CAMSAP2: variants seen among roughly 807,000 people sequenced by gnomAD.
CAMSAP2 encodes the protein calmodulin-regulated spectrin-associated protein 2.
CAMSAP2 carries 26 observed loss-of-function variants against 146.1 expected under a neutral mutation model. The ratio of observed to expected loss-of-function variants is 0.18; its 90% CI spans 0.13 to 0.25. The LOEUF is 0.25. CAMSAP2 is among the 10% of genes least tolerant of loss of function. CAMSAP2 has a pLI of 1.00. For synonymous variants in CAMSAP2, 499 were observed against 596.6 expected (o/e 0.84, Z 2.38); for missense variants, 1,381 against 1,759.3 (o/e 0.78, Z 3.85).
intron 4 of CAMSAP2, among the ~76,000 whole-genome samples, chr1:200,830,489 A>G (rs1356636509): frequency 1.3e-5 from 2 of 152,248 alleles, no homozygotes; most frequent in East Asian, 1.9e-4. Flanking sequence ...TCCCAGCCCA[A>G]TTTTGAGGAT....
chr1:200,803,130 A>G (rs1464908642), intron 2 of CAMSAP2, among the ~76,000 whole-genome samples: 1 of 152,122 alleles, frequency 6.6e-6, no homozygotes, highest in Non-Finnish European at 1.5e-5. Flanking sequence ...GTTGCCTCCT[A>G]CAAGGTGCAG....
intron 4 of CAMSAP2, among the ~76,000 whole-genome samples, chr1:200,817,049 T>C (rs565472944): frequency 4.9e-5 from 7 of 142,392 alleles, no homozygotes; most frequent in Admixed American, 4.1e-4. Flanking sequence ...TACACACGTG[T>C]ATGTGTATAC....
At chr1:200,811,714 A>T (rs1666336843) in intron 3 of CAMSAP2, among the ~76,000 whole-genome samples, 1 of 152,166 alleles carries the variant, frequency 6.6e-6, no homozygotes, top group South Asian at 2.1e-4. Context: ...ATCTTTTTAT[A>T]GTGCAGCTTG....
chr1:200,756,257 A>T (rs1664645693), intron 1 of CAMSAP2, among the ~76,000 whole-genome samples: 1 of 152,124 alleles, frequency 6.6e-6, no homozygotes, highest in Non-Finnish European at 1.5e-5. Flanking sequence ...GTCCAAGATC[A>T]GTCTGGCCAA....
In CAMSAP2 at chr1:200,847,413, TTTTG is replaced by T. The variant is rs764567271; in HGVS notation, c.1192+137_1192+140del. On this transcript the variant is annotated intron_variant, in intron 9 of 16. Transcript: ENST00000358823. Reference sequence around the variant, plus strand: ...TTTTTGTGTGTGTGTGTGTGTGTTTTTTTGTTTGTTTGTTTGTTTTCTGAAAAAT... The same window carrying T: ...TTTTTGTGTGTGTGTGTGTGTGTTTTTTTGTTTGTTTGTTTTCTGAAAAAT... 6.6e-4 allele frequency: 509 copies of T among 767,996 alleles called. 1 individual carries two copies. The highest frequency in any genetic ancestry group is 1.2e-3 in the Middle Eastern group (4 of 3,268). The allele number at this position is 767,996 out of a possible 1,614,324, so 47.6% of individuals were successfully genotyped here.
intron 2 of CAMSAP2, among the ~76,000 whole-genome samples, chr1:200,789,648 T>C (rs994970619): frequency 2.0e-5 from 3 of 152,212 alleles, no homozygotes; most frequent in African/African-American, 7.2e-5. Context: ...TCTAGGTCTT[T>C]TGCCTCTCCA....
Position 200,832,478 on chromosome 1 carries a change from C to G in CAMSAP2, c.787+137C>G. The G allele has an allele frequency of 1.1e-6, 1 of 893,098 alleles. No homozygotes were observed. The allele number at this position is 893,098 out of a possible 1,614,324, so 55.3% of individuals were successfully genotyped here. On this transcript the variant is annotated intron_variant, in intron 5 of 16. Transcript: ENST00000358823. The surrounding 1 kb of genome is among the most constrained non-coding windows in gnomAD (Gnocchi z 4.2). The stretch of plus-strand genomic sequence containing the variant: ...AAAAGACAATATTATTTAATAAGTA[C>G]TGAAGACTTTTTTTTAAAAATAAAG...
At chr1:200,816,431 A>G in intron 4 of CAMSAP2, among the ~76,000 whole-genome samples, 1 of 151,102 alleles carries the variant, frequency 6.6e-6, no homozygotes. Context: ...CGTCTCTACT[A>G]AAACTACAAA....
chr1:200,747,622 A>AT (rs1214003679), intron 1 of CAMSAP2, among the ~76,000 whole-genome samples: 1 of 152,098 alleles, frequency 6.6e-6, no homozygotes, highest in Non-Finnish European at 1.5e-5. Context: ...TTTTGATTTG[A>AT]TCAGGGCTGT....
intron 2 of CAMSAP2, among the ~76,000 whole-genome samples, chr1:200,773,446 G>A (rs751727408): frequency 2.6e-5 from 4 of 151,860 alleles, no homozygotes; most frequent in Admixed American, 2.0e-4. Flanking sequence ...TAGTAGAGAC[G>A]GCGTTTCGCC....
rs537301220 is a variant in CAMSAP2 at position 200,738,940 on chromosome 1, A to AGCGGCG, written c.-876_-871dup. 4.5e-3 allele frequency among the ~76,000 whole-genome samples: 667 copies of AGCGGCG among 149,118 alleles called. 9 individuals carry two copies. The highest frequency in any genetic ancestry group is 0.012 in the African/African-American group (499 of 40,100). On this transcript the variant is annotated 5_prime_UTR_variant, in exon 1 of 17. Transcript: ENST00000358823. ...TCCAGTGCCGCAGCCGGAAAACCGC[A>AGCGGCG]GCGGCGGCGGCGGCGGCTGAGGGGG...
Position 200,859,176 on chromosome 1 carries a change from G to A in CAMSAP2, c.*1117G>A, listed in dbSNP as rs1447724376. 1 of 152,468 alleles carries A rather than the reference G, an allele frequency of 6.6e-6. No individual in the cohort carries two copies. The highest frequency in any genetic ancestry group is 1.5e-5 in the Non-Finnish European group (1 of 67,854). The allele number at this position is 152,468 out of a possible 1,614,324, so 9.4% of individuals were successfully genotyped here. A position where few individuals can be genotyped will look rare whatever the true frequency, so the allele number is the denominator to read the frequency against. On this transcript the variant is annotated 3_prime_UTR_variant, in exon 17 of 17. Transcript: ENST00000358823. ...TTGAAATCTCCTCTACATGATCTTT[G>A]TTCTTTAACAGTGTATACCAGAGGG... is the stretch of plus-strand genomic sequence containing the variant.
intron 1 of CAMSAP2, among the ~76,000 whole-genome samples, chr1:200,742,107 A>C (rs527845869): frequency 2.6e-5 from 4 of 152,214 alleles, no homozygotes; most frequent in Admixed American, 2.0e-4. Context: ...AGATAAGGTA[A>C]CTGGCTCACA....
chr1:200,783,122 A>G (rs529000296), intron 2 of CAMSAP2, among the ~76,000 whole-genome samples: 4 of 152,022 alleles, frequency 2.6e-5, no homozygotes, highest in African/African-American at 9.6e-5. Context: ...CTATCAAGCA[A>G]TTTTCCAAAG....
At chr1:200,747,939 A>G (rs1664384204) in intron 1 of CAMSAP2, among the ~76,000 whole-genome samples, 1 of 147,570 alleles carries the variant, frequency 6.8e-6, no homozygotes, top group South Asian at 2.2e-4. Flanking sequence ...GTGAGCCGAG[A>G]TCCTGCCACT....
At chr1:200,771,231 GT>G (rs1283259614) in intron 2 of CAMSAP2, among the ~76,000 whole-genome samples, 1 of 151,838 alleles carries the variant, frequency 6.6e-6, no homozygotes, top group African/African-American at 2.4e-5. Flanking sequence ...GATATATCTT[GT>G]TTAGTGACCA....
chr1:200,767,637 A>G (rs1664992811), intron 2 of CAMSAP2, among the ~76,000 whole-genome samples: 1 of 152,188 alleles, frequency 6.6e-6, no homozygotes, highest in South Asian at 2.1e-4. Context: ...ATATAAATGT[A>G]GTATTGTAAT....
chr1:200,770,726 A>G (rs1419060544), intron 2 of CAMSAP2, among the ~76,000 whole-genome samples: 1 of 152,100 alleles, frequency 6.6e-6, no homozygotes, highest in East Asian at 1.9e-4. Flanking sequence ...CTATTTCTAT[A>G]GTACTTAATA....
rs1036324861 is a variant in CAMSAP2, at chr1:200,756,456, GAAAAAAAGAAA to G, written c.140-4366_140-4356del. ...CGACAGAGTGAGACTCTTTCTCAAAGAAAAAAAGAAAAAAAAAAGAAAAAAAAGTAAGTGGT... is the reference window on the plus strand; with the variant it reads ...CGACAGAGTGAGACTCTTTCTCAAAGAAAAAAAGAAAAAAAAGTAAGTGGT... On this transcript the variant is annotated intron_variant, in intron 1 of 16. Coordinates refer to ENST00000358823, the MANE Select transcript of CAMSAP2 (RefSeq NM_203459.4). Among the ~76,000 whole-genome samples, 15 of 144,506 alleles carry G rather than the reference GAAAAAAAGAAA, an allele frequency of 1.0e-4. No individual in the cohort carries two copies. In the South Asian group the frequency reaches 1.1e-3, roughly 10 times the overall value. The allele number at this position is 144,506 out of a possible 152,430, so 94.8% of individuals were successfully genotyped here.
Sources: allele counts gnomAD v4.1 joint callset (sites outside exome capture counted in the v4.1 genomes callset), GRCh38; gene constraint gnomAD v4.1.1; non-coding constraint Gnocchi (gnomAD v3.1); transcripts MANE v1.5; gene names NCBI Gene and HGNC (gene_info 2026-07-23, HGNC 2026-07-21).